Variants in GTF2IRD1 observed in about 807,000 individuals in gnomAD.
The protein encoded by GTF2IRD1 is GTF2I repeat domain containing 1.
Under a neutral mutation model 113.2 loss-of-function variants are expected in GTF2IRD1, and 26 were observed. The ratio of observed to expected loss-of-function variants is 0.23; its 90% CI spans 0.17 to 0.32. GTF2IRD1 has a LOEUF of 0.32. Ranked by LOEUF, GTF2IRD1 falls within the 10% of genes least tolerant of loss-of-function variation. The pLI, the probability that GTF2IRD1 is intolerant of heterozygous loss-of-function variation, is 1.00. For missense variants in GTF2IRD1, 864 were observed against 1,280.8 expected, an observed-to-expected ratio of 0.67 and a Z score of 4.97; for synonymous variants, 484 against 529.1, an observed-to-expected ratio of 0.91 and a Z score of 1.17.
intron 22 of GTF2IRD1, among the ~76,000 whole-genome samples, chr7:74,564,313 C>T (rs1213248102): frequency 6.6e-6 from 1 of 152,182 alleles, no homozygotes; most frequent in Non-Finnish European, 1.5e-5. Context: ...AGGCGTGAGC[C>T]ACCGCACCTG....
chr7:74,564,828 A>C (rs1421893061), intron 22 of GTF2IRD1, among the ~76,000 whole-genome samples: 2 of 150,404 alleles, frequency 1.3e-5, no homozygotes, highest in Non-Finnish European at 3.0e-5. Context: ...TCAGTGCCTC[A>C]GTTTCCCCAC....
At chr7:74,527,734 C>T (rs189119263) in intron 8 of GTF2IRD1, among the ~76,000 whole-genome samples, 1 of 151,782 alleles carries the variant, frequency 6.6e-6, no homozygotes, top group Non-Finnish European at 1.5e-5. Context: ...CCCAGCTACT[C>T]GGGAGGCTGA....
intron 1 of GTF2IRD1, among the ~76,000 whole-genome samples, chr7:74,465,224 C>T (rs1401265346): frequency 3.9e-5 from 6 of 152,180 alleles, no homozygotes; most frequent in Admixed American, 3.9e-4. Flanking sequence ...GCCCTCTGGG[C>T]AGGTGGGCAA....
chr7:74,529,955 A>G (rs782380569), intron 9 of GTF2IRD1, 38 bp downstream of exon 9: 7 of 1,522,784 alleles, frequency 4.6e-6, no homozygotes, highest in Non-Finnish European at 5.4e-6. Flanking sequence ...CATGCCTGTA[A>G]TCCCAGCACT....
chr7:74,576,529 C>G (rs1255520028), intron 22 of GTF2IRD1, among the ~76,000 whole-genome samples: 7 of 145,758 alleles, frequency 4.8e-5, no homozygotes, highest in Non-Finnish European at 1.0e-4. Flanking sequence ...CCATTGCACT[C>G]CAGCCTGGGC....
intron 2 of GTF2IRD1, among the ~76,000 whole-genome samples, chr7:74,509,366 T>A (rs1347061307): frequency 6.6e-6 from 1 of 150,624 alleles, no homozygotes; most frequent in African/African-American, 2.4e-5. Context: ...CAAAAAAAAA[T>A]AAATAAAAAT....
chr7:74,458,040 T>G (rs1793108856), intron 1 of GTF2IRD1, among the ~76,000 whole-genome samples: 1 of 151,872 alleles, frequency 6.6e-6, no homozygotes, highest in Admixed American at 6.6e-5. Flanking sequence ...CCGGCTAATT[T>G]TTGTATTTTT....
intron 17 of GTF2IRD1, among the ~76,000 whole-genome samples, chr7:74,548,140 G>A (rs1170825823): frequency 5.3e-5 from 8 of 152,174 alleles, no homozygotes; most frequent in Non-Finnish European, 7.3e-5. Context: ...CTTTGGGCCC[G>A]GGCGCGGTGG....
At chr7:74,532,600 A>T (rs1798028565) in intron 9 of GTF2IRD1, among the ~76,000 whole-genome samples, 1 of 152,116 alleles carries the variant, frequency 6.6e-6, no homozygotes, top group African/African-American at 2.4e-5. Flanking sequence ...TGTCTCCATC[A>T]CTGGGTGGGG....
At chr7:74,535,502 G>A (rs781910705) in intron 10 of GTF2IRD1, among the ~76,000 whole-genome samples, 10 of 152,164 alleles carry the variant, frequency 6.6e-5, no homozygotes, top group Non-Finnish European at 7.3e-5. Flanking sequence ...CTACTCTCAC[G>A]TGCAGACAGA....
At chr7:74,602,201 C>T in intron 26 of GTF2IRD1, 164 bp from the exon 27 acceptor site, 1 of 718,480 alleles carries the variant, frequency 1.4e-6, no homozygotes, top group South Asian at 3.4e-5. Flanking sequence ...GAGATTGCAT[C>T]ACTGCACTCC....
chr7:74,501,490 C>T (rs1298976559), intron 1 of GTF2IRD1, among the ~76,000 whole-genome samples: 1 of 152,104 alleles, frequency 6.6e-6, no homozygotes, highest in East Asian at 1.9e-4. Context: ...TCTACTGAGC[C>T]CATGCCAGCG....
chr7:74,488,932 A>G (rs1795171733), intron 1 of GTF2IRD1, among the ~76,000 whole-genome samples: 1 of 152,066 alleles, frequency 6.6e-6, no homozygotes, highest in Non-Finnish European at 1.5e-5. Context: ...ACCTGAGGTC[A>G]GGAGTTCAAG....
chr7:74,594,549 G>A (rs1802287288), intron 24 of GTF2IRD1, among the ~76,000 whole-genome samples: 2 of 152,198 alleles, frequency 1.3e-5, no homozygotes, highest in Admixed American at 6.6e-5. Flanking sequence ...TATGGGGGAT[G>A]CTCTGTTGGG....
At chr7:74,496,446 A>C (rs980971003) in intron 1 of GTF2IRD1, among the ~76,000 whole-genome samples, 1 of 116,718 alleles carries the variant, frequency 8.6e-6, no homozygotes, top group Non-Finnish European at 1.7e-5. Flanking sequence ...TATGCATTTG[A>C]GTGTGGGTGT....
rs1222855750 is a variant in GTF2IRD1 at position 74,508,129 on chromosome 7, C to T, written c.49C>T (p.Pro17Ser). The change falls in exon 2 of 27, where the codon CCC becomes TCC. Residue 17 changes from proline to serine, a missense_variant. Around this residue, in one of 7 missense-constraint regions of GTF2IRD1, gnomAD observed 182 missense variants for 266.6 expected, o/e 0.68. Coordinates refer to ENST00000424337, the MANE Select transcript of GTF2IRD1 (RefSeq NM_005685.4). ...TGACGTCCCCACCAACGGCTGCGGA[C>T]CCGACCGCTGGAACTCCGCGTTCAC... ...RCDVPTNGCG[P>S]DRWNSAFTRK... 2 of 1,611,610 alleles carry T rather than the reference C, an allele frequency of 1.2e-6. No homozygotes were observed. The highest frequency in any genetic ancestry group is 1.3e-5 in the African/African-American group (1 of 75,040).
intron 1 of GTF2IRD1, among the ~76,000 whole-genome samples, chr7:74,467,996 T>C (rs782820929): frequency 9.9e-5 from 15 of 152,266 alleles, no homozygotes; most frequent in Non-Finnish European, 1.8e-4. Flanking sequence ...TATATGCACA[T>C]GTATGTGACA....
At chr7:74,507,927 A>G (rs1306255747) in intron 1 of GTF2IRD1, 148 bp from the exon 2 acceptor site, 34 of 805,938 alleles carry the variant, frequency 4.2e-5, no homozygotes, top group Non-Finnish European at 5.7e-5. Flanking sequence ...CCCATCACAC[A>G]TAAAGCCCTT....
intron 22 of GTF2IRD1, among the ~76,000 whole-genome samples, chr7:74,586,247 G>A (rs111770777): frequency 2.0e-5 from 3 of 152,292 alleles, no homozygotes; most frequent in African/African-American, 4.8e-5. Context: ...TTGGGCCCAG[G>A]ACTCCATCAC....
Sources: allele counts gnomAD v4.1 joint callset (sites outside exome capture counted in the v4.1 genomes callset), GRCh38; gene constraint gnomAD v4.1.1; regional missense constraint gnomAD v4.1.1; transcripts MANE v1.5; gene names NCBI Gene and HGNC (gene_info 2026-07-23, HGNC 2026-07-21).